Variants in PRKCQ observed in about 807,000 individuals in gnomAD.
PRKCQ encodes the protein protein kinase C theta.
PRKCQ carries 41 observed loss-of-function variants against 91.2 expected under a neutral mutation model. That is an observed-to-expected ratio of 0.45 (90% CI 0.35 to 0.58). The LOEUF is 0.58. PRKCQ is among the 20% of genes least tolerant of loss of function. The pLI is 0.00. For missense variants in PRKCQ, 673 were observed against 896.5 expected (o/e 0.75, Z 3.18); for synonymous variants, 307 against 316.9 (o/e 0.97, Z 0.33).
intron 2 of PRKCQ, among the ~76,000 whole-genome samples, chr10:6,513,545 G>A (rs543234496): frequency 7.1e-4 from 108 of 151,948 alleles, no homozygotes; most frequent in African/African-American, 2.5e-3. Context: ...AGTCAAAGGC[G>A]GCTTTGAAAA....
chr10:6,494,573 A>C (rs186974683), intron 7 of PRKCQ, among the ~76,000 whole-genome samples: 1 of 152,112 alleles, frequency 6.6e-6, no homozygotes, highest in Admixed American at 6.6e-5. Flanking sequence ...TCAACACCTC[A>C]ACTGCACAGA....
intron 10 of PRKCQ, 26 bp downstream of exon 10, chr10:6,485,126 A>G: frequency 1.3e-6 from 2 of 1,579,922 alleles, no homozygotes; most frequent in Non-Finnish European, 1.7e-6. Flanking sequence ...ACTGACAGTG[A>G]TTAGACTGCT....
At chr10:6,411,610 T>C in the PRKCQ span, among the ~76,000 whole-genome samples, 7 of 152,376 alleles carry the variant, frequency 4.6e-5, no homozygotes, top group East Asian at 5.8e-4. Context: ...TAAAGTTTCA[T>C]TGGGACACCC....
At chr10:6,463,841 G>A (rs777955809) in intron 13 of PRKCQ, among the ~76,000 whole-genome samples, 6 of 152,158 alleles carry the variant, frequency 3.9e-5, no homozygotes, top group Admixed American at 1.3e-4. Context: ...AGCCTGCCCC[G>A]TCTCCAGGTG....
At chr10:6,574,598 C>A (rs1462387782) in intron 1 of PRKCQ, among the ~76,000 whole-genome samples, 2 of 152,222 alleles carry the variant, frequency 1.3e-5, no homozygotes, top group Non-Finnish European at 2.9e-5. Flanking sequence ...GGCACATGCT[C>A]CTTTCTCGCA....
intron 11 of PRKCQ, among the ~76,000 whole-genome samples, chr10:6,481,163 G>C (rs1886050): frequency 6.6e-6 from 1 of 152,036 alleles, no homozygotes; most frequent in Non-Finnish European, 1.5e-5. Flanking sequence ...GACATGGAGT[G>C]GGGGAAACCT....
At chr10:6,426,246 C>T (rs547223833), downstream of PRKCQ, among the ~76,000 whole-genome samples, 21 of 152,262 alleles carry the variant, frequency 1.4e-4, no homozygotes, top group Middle Eastern at 3.4e-3. Flanking sequence ...TCTAGTGAGA[C>T]GGGACTTTAG....
intron 1 of PRKCQ, chr10:6,515,594 A>G (rs1297198108): frequency 1.2e-6 from 1 of 848,434 alleles, no homozygotes; most frequent in African/African-American, 1.8e-5. Flanking sequence ...AAATTCTTAC[A>G]TGGTCTATTT....
chr10:6,509,616 C>T lies in PRKCQ; in HGVS notation c.318+1379G>A, dbSNP rs142239384. ...TAGAGACAGGGTATCGCCATGTTGG[C>T]CAGGCTGGTCTTGAACTCCTGACCT... On this transcript the variant is annotated intron_variant, in intron 3 of 17. Transcript: ENST00000263125. 4.4e-3 allele frequency among the ~76,000 whole-genome samples: 668 copies of T among 152,288 alleles called. 4 individuals carry two copies. Among genetic ancestry groups the T allele is most frequent in the African/African-American group, 0.016 (647 of 41,556 alleles).
At chr10:6,553,709 A>G (rs544910150) in intron 1 of PRKCQ, among the ~76,000 whole-genome samples, 1 of 152,222 alleles carries the variant, frequency 6.6e-6, no homozygotes, top group East Asian at 1.9e-4. Flanking sequence ...TCGATAGAAT[A>G]CATGCAAAGC....
the PRKCQ span, among the ~76,000 whole-genome samples, chr10:6,404,255 G>GGGGGGAGAGGGA: frequency 2.9e-5 from 1 of 34,362 alleles, no homozygotes; most frequent in Non-Finnish European, 6.1e-5. Context: ...GAAGGGGGGG[G>GGGGGGAGAGGGA]GAGAGAGAGA....
chr10:6,404,581 TTCTTTC>T, the PRKCQ span, among the ~76,000 whole-genome samples: 4 of 145,380 alleles, frequency 2.8e-5, no homozygotes, highest in African/African-American at 7.6e-5. Flanking sequence ...TTCTCTTTCT[TTCTTTC>T]TTTTTTTCTC....
At chr10:6,438,363 A>T (rs1358210006) in intron 16 of PRKCQ, among the ~76,000 whole-genome samples, 2 of 152,278 alleles carry the variant, frequency 1.3e-5, no homozygotes, top group Admixed American at 1.3e-4. Context: ...TAGTGAAAAA[A>T]GATGAGCCTG....
chr10:6,482,522 G>T (rs1424338307), intron 11 of PRKCQ, among the ~76,000 whole-genome samples: 1 of 152,154 alleles, frequency 6.6e-6, no homozygotes, highest in East Asian at 1.9e-4. Flanking sequence ...ATGGAGAGGG[G>T]CCTGGGAAGA....
At chr10:6,490,131 T>C (rs1259463956) in intron 8 of PRKCQ, among the ~76,000 whole-genome samples, 1 of 152,144 alleles carries the variant, frequency 6.6e-6, no homozygotes, top group African/African-American at 2.4e-5. Flanking sequence ...AGCGTGTCAG[T>C]GTCCTTTGGG....
At chr10:6,415,741 T>C in the PRKCQ span, among the ~76,000 whole-genome samples, 1 of 75,442 alleles carries the variant, frequency 1.3e-5, no homozygotes, top group East Asian at 6.2e-4. Flanking sequence ...TCTCTCTCTC[T>C]CTCTCTTTTT....
the PRKCQ span, among the ~76,000 whole-genome samples, chr10:6,420,365 C>T: frequency 6.6e-6 from 1 of 152,206 alleles, no homozygotes; most frequent in Non-Finnish European, 1.5e-5. Flanking sequence ...TGGTTGTTCT[C>T]TAGACTTTAC....
chr10:6,489,388 G>C, intron 8 of PRKCQ: 1 of 526,942 alleles, frequency 1.9e-6, no homozygotes, highest in Non-Finnish European at 3.9e-6. Context: ...CTAAGTCTTT[G>C]TTACTAACCT....
chr10:6,575,002 G>A (rs1461658284), intron 1 of PRKCQ, among the ~76,000 whole-genome samples: 2 of 152,124 alleles, frequency 1.3e-5, no homozygotes, highest in South Asian at 2.1e-4. Context: ...TTCACAACTT[G>A]GTATGTGTCA....
Sources: gnomAD v4.1 joint callset for allele counts (sites outside exome capture counted in the v4.1 genomes callset) on GRCh38, gnomAD v4.1.1 for gene constraint, MANE v1.5 for transcripts, NCBI Gene and HGNC (gene_info 2026-07-23, HGNC 2026-07-21) for gene names.